The following FCGR1A variants were observed in gnomAD, a reference collection of about 807,000 sequenced individuals.
The protein encoded by FCGR1A is Fc gamma receptor Ia.
In FCGR1A, 13 loss-of-function variants were observed where a neutral mutation model predicts 35.0. The ratio of observed to expected loss-of-function variants is 0.37; its 90% CI spans 0.24 to 0.59. FCGR1A has a LOEUF of 0.59. FCGR1A is among the 20% of genes least tolerant of loss of function. FCGR1A has a pLI of 0.71. For missense variants in FCGR1A, 227 were observed against 430.0 expected (o/e 0.53, Z 4.17); for synonymous variants, 91 against 164.7 (o/e 0.55, Z 3.43).
chr1:149,791,572 C>G lies in FCGR1A; in HGVS notation c.*55C>G. The G allele has an allele frequency of 4.4e-6, 7 of 1,604,876 alleles. No homozygotes were observed. Among genetic ancestry groups the G allele is most frequent in the Non-Finnish European group, 5.1e-6 (6 of 1,177,298 alleles). Reference sequence around the variant, plus strand: ...GACCGTCCCCTGCCCACTTGCTCCCCGTGAGCACTGCGTACAAACATCCAA... The same window carrying G: ...GACCGTCCCCTGCCCACTTGCTCCCGGTGAGCACTGCGTACAAACATCCAA... On this transcript the variant is annotated 3_prime_UTR_variant, in exon 6 of 6. Coordinates refer to ENST00000369168, the MANE Select transcript of FCGR1A (RefSeq NM_000566.4).
At chr1:149,792,801 A>T (rs2091744727), downstream of FCGR1A, 5 of 1,279,914 alleles carry the variant, frequency 3.9e-6, no homozygotes, top group Non-Finnish European at 5.1e-6. Flanking sequence ...AATGAGCTGT[A>T]GGAGTCGGTG....
At chr1:149,796,045 A>G (rs1553752750), downstream of FCGR1A, among the ~76,000 whole-genome samples, 1 of 151,870 alleles carries the variant, frequency 6.6e-6, no homozygotes, top group South Asian at 2.1e-4. Flanking sequence ...TTCTTTGTTA[A>G]TGCACATTGG....
downstream of FCGR1A, among the ~76,000 whole-genome samples, chr1:149,795,295 TAAATG>T (rs2091788081): frequency 6.8e-6 from 1 of 147,252 alleles, no homozygotes; most frequent in Non-Finnish European, 1.5e-5. Flanking sequence ...AATAAATAAA[TAAATG>T]ATTATTACCA....
chr1:149,785,885 G>A (rs587605326), intron 3 of FCGR1A: 2 of 151,898 alleles, frequency 1.3e-5, no homozygotes, highest in Non-Finnish European at 2.9e-5. Context: ...CATATAAAGG[G>A]CTACGGTATG....
At chr1:149,797,396 C>T in the FCGR1A span, among the ~76,000 whole-genome samples, 1 of 151,924 alleles carries the variant, frequency 6.6e-6, no homozygotes, top group African/African-American at 2.4e-5. Flanking sequence ...ATTTTAATAT[C>T]TTCTATATCT....
downstream of FCGR1A, chr1:149,793,294 G>C: frequency 8.4e-7 from 1 of 1,190,956 alleles, no homozygotes; most frequent in Non-Finnish European, 1.1e-6. Context: ...CCGCCTCCCC[G>C]TCCAGCTCGG....
intron 4 of FCGR1A, among the ~76,000 whole-genome samples, chr1:149,788,839 A>G (rs2091622111): frequency 6.6e-6 from 1 of 152,094 alleles, no homozygotes; most frequent in Non-Finnish European, 1.5e-5. Flanking sequence ...CCCATCAACA[A>G]TCACAGGAGC....
rs370725722 is a variant in FCGR1A, at chr1:149,784,308, C to T, written c.307+51C>T. On this transcript the variant is annotated intron_variant, in intron 3 of 5. Transcript: ENST00000369168. ...CCGGAAACCACAAGGTCTTCCTCTG[C>T]GTTCTCTCCTTTCTGGATGCCAGAT... 8.3e-5 allele frequency: 133 copies of T among 1,610,024 alleles called. 2 individuals are homozygous for T. The highest frequency in any genetic ancestry group is 1.4e-4 in the African/African-American group (10 of 73,088).
intron 3 of FCGR1A, among the ~76,000 whole-genome samples, chr1:149,785,217 T>G (rs1453589340): frequency 6.6e-6 from 1 of 152,172 alleles, no homozygotes; most frequent in Non-Finnish European, 1.5e-5. Context: ...AAAATGATAA[T>G]GCAAAAGTCA....
intron 4 of FCGR1A, among the ~76,000 whole-genome samples, chr1:149,789,553 G>A (rs2102054969): frequency 1.3e-5 from 2 of 152,306 alleles, no homozygotes; most frequent in South Asian, 2.1e-4. Flanking sequence ...TAGAGCAGGG[G>A]TTCCCAACCC....
downstream of FCGR1A, among the ~76,000 whole-genome samples, chr1:149,793,782 A>G (rs2091767411): frequency 1.3e-5 from 2 of 151,938 alleles, no homozygotes; most frequent in South Asian, 4.1e-4. Context: ...TAGGGCCACA[A>G]GAGCTTCTGT....
Position 149,790,289 on chromosome 1 carries a change from G to T in FCGR1A, c.795G>T (p.Glu265Asp). The change falls in exon 5 of 6, where the codon GAG (glutamate) becomes GAT (aspartate). Residue 265 changes from glutamate to aspartate, a missense_variant. This residue lies in a region of FCGR1A where 185 missense variants were observed against 306.6 expected (regional missense o/e 0.60). Transcript: ENST00000369168. ...SGLYWCEAATEDGNVLKRSPE... is the reference protein window; with the variant it reads ...SGLYWCEAATDDGNVLKRSPE... The stretch of plus-strand genomic sequence containing the variant: ...TATACTGGTGCGAGGCTGCCACAGA[G>T]GATGGAAATGTCCTTAAGCGCAGCC... 6.3e-7 allele frequency: 1 copy of T among 1,586,078 alleles called. No individual in the cohort carries two copies. Among genetic ancestry groups the T allele is most frequent in the Non-Finnish European group, 8.6e-7 (1 of 1,165,810 alleles).
At chr1:149,784,608 G>C (rs2091490093) in intron 3 of FCGR1A, among the ~76,000 whole-genome samples, 1 of 150,920 alleles carries the variant, frequency 6.6e-6, no homozygotes, top group African/African-American at 2.4e-5. Context: ...CCAAAACCTA[G>C]ATCTGCAGTC....
chr1:149,796,312 A>G (rs1559751123), downstream of FCGR1A, among the ~76,000 whole-genome samples: 1 of 152,216 alleles, frequency 6.6e-6, no homozygotes, highest in Non-Finnish European at 1.5e-5. Context: ...GGAGAAAGAA[A>G]ATCTCTAAGG....
chr1:149,790,068 C>T lies in FCGR1A; in HGVS notation c.574C>T (p.Pro192Ser). The stretch of plus-strand genomic sequence containing the variant: ...TTTCTCCTTAGAGCTATTTCCAGCT[C>T]CAGTGCTGAATGCATCTGTGACATC... ...SVTVKELFPA[P>S]VLNASVTSPL... The change falls in exon 5 of 6, where the codon CCA becomes TCA. Residue 192 changes from proline (P) to serine (S), a missense_variant. Pro to Ser is a moderately conservative substitution (Grantham distance 74). This residue lies in a region of FCGR1A where 185 missense variants were observed against 306.6 expected (regional missense o/e 0.60). Transcript: ENST00000369168. The T allele has an allele frequency of 6.2e-7, 1 of 1,613,780 alleles. No homozygotes were observed. Among genetic ancestry groups the T allele is most frequent in the African/African-American group, 1.3e-5 (1 of 74,834 alleles).
At chr1:149,797,338 A>C in the FCGR1A span, among the ~76,000 whole-genome samples, 1 of 152,088 alleles carries the variant, frequency 6.6e-6, no homozygotes, top group South Asian at 2.1e-4. Flanking sequence ...TGTATGGAAA[A>C]GTCAACATTT....
intron 4 of FCGR1A, 34 bp downstream of exon 4, chr1:149,788,651 C>T (rs368574894): frequency 1.2e-6 from 2 of 1,613,266 alleles, no homozygotes; most frequent in Non-Finnish European, 1.7e-6. Flanking sequence ...AACTGATAGT[C>T]CCTCCCCCTG....
At chr1:149,799,825 A>G in the FCGR1A span, among the ~76,000 whole-genome samples, 5 of 152,234 alleles carry the variant, frequency 3.3e-5, no homozygotes, top group Non-Finnish European at 7.3e-5. Context: ...AACTCAAACT[A>G]TGTGTTTCCT....
downstream of FCGR1A, among the ~76,000 whole-genome samples, chr1:149,795,262 A>AT (rs2091787139): frequency 7.7e-6 from 1 of 129,050 alleles, no homozygotes; most frequent in South Asian, 2.4e-4. Context: ...AAATAAATAA[A>AT]TAAATAAATA....
Sources: allele counts gnomAD v4.1 joint callset (sites outside exome capture counted in the v4.1 genomes callset), GRCh38; gene constraint gnomAD v4.1.1; regional missense constraint gnomAD v4.1.1; transcripts MANE v1.5; gene names NCBI Gene and HGNC (gene_info 2026-07-23, HGNC 2026-07-21).